The following DNAJC25 variants were observed in gnomAD, a reference collection of about 807,000 sequenced individuals.
The protein encoded by DNAJC25 is dnaJ homolog subfamily C member 25.
DNAJC25 carries 26 observed loss-of-function variants against 42.1 expected under a neutral mutation model. The observed-to-expected ratio is 0.62, with a 90% CI of 0.45 to 0.86. DNAJC25 has a LOEUF of 0.86. Among genes scored for constraint, DNAJC25 ranks in the 40% least tolerant of loss-of-function variants. The probability of loss-of-function intolerance (pLI) is 0.00; values close to 1 mark genes in which losing one functional copy is unlikely to be tolerated. For synonymous variants in DNAJC25, 189 were observed against 179.9 expected (o/e 1.05, Z -0.40); for missense variants, 404 against 459.4 (o/e 0.88, Z 1.10).
At position 111,653,843 on chromosome 9, in the gene DNAJC25, A is replaced by G. The variant is rs1830702553; in HGVS notation, c.*621A>G. On this transcript the variant is annotated 3_prime_UTR_variant, in exon 4 of 4. Transcript: ENST00000313525. ...TTGTTTTTAAAGCCAGTCAAATATA[A>G]TAGTCTTAATAAGATCAGAAACTCT... is the stretch of plus-strand genomic sequence containing the variant. 1 of 152,668 alleles carries G rather than the reference A, an allele frequency of 6.6e-6. No individual in the cohort carries two copies. Among genetic ancestry groups the G allele is most frequent in the Admixed American group, 6.5e-5 (1 of 15,286 alleles). 9.5% of individuals were successfully genotyped at this position (152,668 alleles called of 1,614,324 possible).
At chr9:111,639,906 C>CTCCCTCTCCCTG (rs1830420589) in intron 1 of DNAJC25, among the ~76,000 whole-genome samples, 1 of 108,926 alleles carries the variant, frequency 9.2e-6, no homozygotes, top group Non-Finnish European at 1.8e-5. Flanking sequence ...AGCTCTCCCT[C>CTCCCTCTCCCTG]TCCCTCTCCC....
At chr9:111,643,695 G>A (rs1055568981) in intron 1 of DNAJC25, among the ~76,000 whole-genome samples, 2 of 150,522 alleles carry the variant, frequency 1.3e-5, no homozygotes, top group African/African-American at 4.9e-5. Context: ...GGCATGCAAA[G>A]GAAATTTTAA....
At chr9:111,650,472 T>C (rs1830642841) in intron 3 of DNAJC25, among the ~76,000 whole-genome samples, 1 of 152,214 alleles carries the variant, frequency 6.6e-6, no homozygotes, top group Admixed American at 6.5e-5. Context: ...TTTCAGGCAT[T>C]TTAATAAATG....
intron 3 of DNAJC25, among the ~76,000 whole-genome samples, chr9:111,652,094 A>G (rs759133278): frequency 2.0e-5 from 3 of 152,162 alleles, no homozygotes; most frequent in Non-Finnish European, 4.4e-5. Context: ...AAAAAAATAA[A>G]GTTTTGATTC....
intron 1 of DNAJC25, among the ~76,000 whole-genome samples, chr9:111,637,214 G>C (rs756867341): frequency 1.4e-4 from 21 of 152,142 alleles, no homozygotes; most frequent in Non-Finnish European, 2.6e-4. Context: ...GGGAGCCTGC[G>C]AGGTGCCGTG....
intron 1 of DNAJC25, chr9:111,643,030 C>G: frequency 2.4e-6 from 1 of 420,798 alleles, no homozygotes; most frequent in Non-Finnish European, 5.0e-6. Context: ...AAGTTGGAAT[C>G]TCCAGACCCT....
chr9:111,647,370 A>C (rs536615531), intron 2 of DNAJC25, 111 bp downstream of exon 2: 2 of 1,367,874 alleles, frequency 1.5e-6, no homozygotes, highest in African/African-American at 2.9e-5. Flanking sequence ...TTTTACTTCT[A>C]GTTGAGATCT....
At chr9:111,633,365 T>C (rs934465404) in intron 1 of DNAJC25, among the ~76,000 whole-genome samples, 3 of 152,206 alleles carry the variant, frequency 2.0e-5, no homozygotes, top group Non-Finnish European at 2.9e-5. Context: ...TAGGATGATA[T>C]AGATAATTAG....
At position 111,653,145 on chromosome 9, in the gene DNAJC25, A is replaced by G. The variant is rs768993589; in HGVS notation, c.1006A>G (p.Asn336Asp). Residue 336 changes from asparagine to aspartate, a missense_variant, in exon 4 of 4, where the codon AAT becomes GAT. Physicochemically the swap from Asn to Asp is conservative, Grantham distance 23 (BLOSUM62 1). Transcript: ENST00000313525. ...GGAAGAATTAAAGAAAAAGTTGGCA[A>G]ATGACCCCAGATGGAAGAGATACAG... ...QEEELKKKLANDPRWKRYRRW... is the reference protein window; with the variant it reads ...QEEELKKKLADDPRWKRYRRW... 1 of 1,603,248 alleles carries G rather than the reference A, an allele frequency of 6.2e-7. No individual in the cohort carries two copies. Among genetic ancestry groups the G allele is most frequent in the East Asian group, 2.3e-5 (1 of 44,364 alleles).
rs1830713217 is a variant in DNAJC25 at position 111,654,327 on chromosome 9, A to G, written c.*1105A>G. 1 of 152,268 alleles carries G rather than the reference A, an allele frequency of 6.6e-6. No homozygotes were observed. 9.4% of individuals were successfully genotyped at this position (152,268 alleles called of 1,614,324 possible). ...GGATTTATCCCATTGCTTCATATTA[A>G]TAAAATGGTTACAATATATCACAAG... On this transcript the variant is annotated 3_prime_UTR_variant, in exon 4 of 4. Transcript: ENST00000313525.
chr9:111,645,458 T>C lies in DNAJC25; in HGVS notation c.337-1649T>C, dbSNP rs185813485. Among the ~76,000 whole-genome samples, 838 of 152,296 alleles carry C rather than the reference T, an allele frequency of 5.5e-3. 26 individuals are homozygous for C. The highest frequency in any genetic ancestry group is 1.3e-3 in the Non-Finnish European group (86 of 68,026). On this transcript the variant is annotated intron_variant, in intron 1 of 3. Coordinates refer to ENST00000313525, the MANE Select transcript of DNAJC25 (RefSeq NM_001015882.3). ...TCAGTAGAAATGGGATTTTGCCATGTTGGCCAGGCTGGTCTCGAACTCCTG... is the reference window on the plus strand; with the variant it reads ...TCAGTAGAAATGGGATTTTGCCATGCTGGCCAGGCTGGTCTCGAACTCCTG...
At chr9:111,650,547 T>G (rs1411460071) in intron 3 of DNAJC25, among the ~76,000 whole-genome samples, 1 of 152,252 alleles carries the variant, frequency 6.6e-6, no homozygotes, top group Non-Finnish European at 1.5e-5. Context: ...GCCATCATGT[T>G]AAAGGGATTA....
chr9:111,649,809 A>T lies in DNAJC25; in HGVS notation c.846A>T (p.Arg282Ser). The T allele has an allele frequency of 1.2e-6, 2 of 1,613,892 alleles. No individual in the cohort carries two copies. The highest frequency in any genetic ancestry group is 1.7e-5 in the Admixed American group (1 of 59,996). ...GCAAAGAATATGGAGAGGAAGAGAG[A>T]TTATACATTATACGTAAATCTATGA... ...IKGKEYGEEE[R>S]LYIIRKSMKM... The change falls in exon 3 of 4, where the codon AGA (arginine) becomes AGT (serine). Residue 282 changes from arginine to serine, a missense_variant. Transcript: ENST00000313525.
chr9:111,637,347 G>C (rs1564082980), intron 1 of DNAJC25, among the ~76,000 whole-genome samples: 1 of 152,164 alleles, frequency 6.6e-6, no homozygotes, highest in African/African-American at 2.4e-5. Flanking sequence ...TTAAAGTGGA[G>C]AAATGACACA....
At chr9:111,641,423 G>A (rs1329203045) in intron 1 of DNAJC25, among the ~76,000 whole-genome samples, 1,533 of 96,004 alleles carry the variant, frequency 0.016, no homozygotes, top group East Asian at 0.03. Context: ...CCCTCCGCCC[G>A]GCCAGCCGCC....
intron 1 of DNAJC25, among the ~76,000 whole-genome samples, chr9:111,632,285 G>T (rs148783372): frequency 6.7e-6 from 1 of 148,886 alleles, no homozygotes; most frequent in East Asian, 2.3e-4. Context: ...TATGACCTTG[G>T]ATAGTGACTT....
intron 1 of DNAJC25, among the ~76,000 whole-genome samples, chr9:111,633,584 C>T (rs1447390201): frequency 6.6e-6 from 1 of 152,142 alleles, no homozygotes; most frequent in Non-Finnish European, 1.5e-5. Flanking sequence ...GAAGAGAGGG[C>T]AGCAGAAACA....
chr9:111,634,630 C>T lies in DNAJC25; in HGVS notation c.336+2887C>T, dbSNP rs12380509. Reference sequence around the variant, plus strand: ...TGTATCTGAATGTTGATAATAAATGCATCACCAAAATGGAAACTATAATTA... The same window carrying T: ...TGTATCTGAATGTTGATAATAAATGTATCACCAAAATGGAAACTATAATTA... On this transcript the variant is annotated intron_variant, in intron 1 of 3. Coordinates refer to ENST00000313525, the MANE Select transcript of DNAJC25 (RefSeq NM_001015882.3). 7.1e-3 allele frequency among the ~76,000 whole-genome samples: 1,081 copies of T among 152,092 alleles called. 13 individuals are homozygous for T. Among genetic ancestry groups the T allele is most frequent in the African/African-American group, 0.025 (1,021 of 41,482 alleles).
rs1254046094 is a variant in DNAJC25 at position 111,631,600 on chromosome 9, A to G, written c.193A>G (p.Ile65Val). 8 of 1,481,088 alleles carry G rather than the reference A, an allele frequency of 5.4e-6. No homozygotes were observed. In the South Asian group the frequency reaches 1.0e-4, roughly 19 times the overall value. 91.7% of individuals were successfully genotyped at this position (1,481,088 alleles called of 1,614,324 possible). The change falls in exon 1 of 4, where the codon ATC becomes GTC. Residue 65 changes from isoleucine to valine, a missense_variant. By Grantham distance (29) the Ile-to-Val change is conservative. Coordinates refer to ENST00000313525, the MANE Select transcript of DNAJC25 (RefSeq NM_001015882.3). Reference protein sequence around the residue: ...GVSRSAGKAEIARAYRQLARR... With the variant: ...GVSRSAGKAEVARAYRQLARR... ...GAGCCGCTCGGCGGGCAAGGCGGAG[A>G]TCGCGCGGGCCTACCGCCAGCTGGC...
Sources: gnomAD v4.1 joint callset for allele counts (sites outside exome capture counted in the v4.1 genomes callset) on GRCh38, gnomAD v4.1.1 for gene constraint, MANE v1.5 for transcripts, NCBI Gene and HGNC (gene_info 2026-07-23, HGNC 2026-07-21) for gene names.